HEATR1: variants seen among roughly 807,000 people sequenced by gnomAD.
HEATR1 encodes HEAT repeat containing 1.
Under a neutral mutation model 248.2 loss-of-function variants are expected in HEATR1, and 77 were observed. That is an observed-to-expected ratio of 0.31 (90% CI 0.26 to 0.37). The LOEUF (loss-of-function observed/expected upper bound fraction) is 0.37. HEATR1 is among the 10% of genes least tolerant of loss of function. HEATR1 has a pLI of 1.00. For synonymous variants in HEATR1, 897 were observed against 923.1 expected, an observed-to-expected ratio of 0.97 and a Z score of 0.51; for missense variants, 2,420 against 2,504.9, an observed-to-expected ratio of 0.97 and a Z score of 0.72.
intron 16 of HEATR1, 95 bp downstream of exon 16, chr1:236,585,725 A>AT (rs1052985898): frequency 1.7e-5 from 22 of 1,290,228 alleles, no homozygotes; most frequent in East Asian, 7.3e-5. Context: ...AATAAAAGAA[A>AT]TTTTTTTTAA....
At chr1:236,584,919 CCA>C (rs1429046970) in intron 17 of HEATR1, 104 bp downstream of exon 17, 1 of 917,676 alleles carries the variant, frequency 1.1e-6, no homozygotes, top group African/African-American at 1.7e-5. Context: ...CAGCTACTAT[CCA>C]CAGACTCAAC....
intron 6 of HEATR1, among the ~76,000 whole-genome samples, 197 bp from the exon 7 acceptor site, chr1:236,596,241 G>A (rs1220822172): frequency 2.6e-5 from 4 of 152,150 alleles, no homozygotes; most frequent in Admixed American, 6.6e-5. Flanking sequence ...TCTGTTGAAC[G>A]AGACAAAGGA....
At chr1:236,573,277 T>C (rs971881919) in intron 24 of HEATR1, among the ~76,000 whole-genome samples, 1 of 152,194 alleles carries the variant, frequency 6.6e-6, no homozygotes, top group Admixed American at 6.5e-5. Flanking sequence ...ATACCGATTG[T>C]TTCCAAGTGC....
intron 44 of HEATR1, chr1:236,551,192 G>T: frequency 1.9e-6 from 1 of 535,768 alleles, no homozygotes; most frequent in Non-Finnish European, 3.3e-6. Context: ...TTGCCCACAG[G>T]CTTGCACTGG....
intron 20 of HEATR1, among the ~76,000 whole-genome samples, chr1:236,578,607 C>A (rs1490152996): frequency 6.6e-6 from 1 of 152,126 alleles, no homozygotes; most frequent in Non-Finnish European, 1.5e-5. Flanking sequence ...CTTTACTGAA[C>A]CAATTTTATA....
chr1:236,584,745 C>G (rs2103144930), intron 17 of HEATR1, among the ~76,000 whole-genome samples: 1 of 152,274 alleles, frequency 6.6e-6, no homozygotes, highest in African/African-American at 2.4e-5. Context: ...TTAGGTGTAG[C>G]TTGGGTAATT....
Position 236,580,863 on chromosome 1 carries a change from AG to A in HEATR1, c.2755+358del, listed in dbSNP as rs2103141464. 3.6e-5 allele frequency among the ~76,000 whole-genome samples: 5 copies of A among 137,918 alleles called. 1 individual carries two copies. The South Asian group carries it at 1.1e-3, about 30-fold the overall frequency. The allele number at this position is 137,918 out of a possible 152,430, so 90.5% of individuals were successfully genotyped here. On this transcript the variant is annotated intron_variant, in intron 20 of 44. Coordinates refer to ENST00000366582, the MANE Select transcript of HEATR1 (RefSeq NM_018072.6). Reference sequence around the variant, plus strand: ...TGAGATGGAGTCTCGCTGTGTCACCAGGCTGGAGTGCAGTGGCACAATCTCG... The same window carrying A: ...TGAGATGGAGTCTCGCTGTGTCACCAGCTGGAGTGCAGTGGCACAATCTCG...
chr1:236,586,589 A>C, intron 14 of HEATR1, 137 bp from the exon 15 acceptor site: 1 of 581,844 alleles, frequency 1.7e-6, no homozygotes, highest in Non-Finnish European at 3.1e-6. Flanking sequence ...AGATACACTA[A>C]GACACCACTT....
chr1:236,564,516 G>C lies in HEATR1; in HGVS notation c.4581C>G (p.Ser1527=), dbSNP rs1342521118. The change falls in exon 32 of 45, where the codon TCC becomes TCG. Residue 1527 remains serine (S), a synonymous_variant. Transcript: ENST00000366582. ...SVSFMSQLLS[S]NNFLKKVVES... ...ACATTACCTTTTTCAGAAAATTATT[G>C]GAAGACAGGAGCTGAGACATGAAGG... 6.2e-7 allele frequency: 1 copy of C among 1,613,038 alleles called. No individual in the cohort carries two copies. Among genetic ancestry groups the C allele is most frequent in the Non-Finnish European group, 8.5e-7 (1 of 1,179,742 alleles).
chr1:236,595,222 A>C (rs1456318789), intron 8 of HEATR1, among the ~76,000 whole-genome samples: 2 of 150,968 alleles, frequency 1.3e-5, no homozygotes, highest in African/African-American at 4.9e-5. Flanking sequence ...TTAAATACCT[A>C]AATGAGAAGG....
Position 236,550,812 on chromosome 1 carries a change from C to A in HEATR1, c.*90G>T. The A allele has an allele frequency of 4.0e-6, 4 of 991,294 alleles. No individual in the cohort carries two copies. The highest frequency in any genetic ancestry group is 6.0e-6 in the Non-Finnish European group (4 of 662,206). The allele number at this position is 991,294 out of a possible 1,614,324, so 61.4% of individuals were successfully genotyped here. On this transcript the variant is annotated 3_prime_UTR_variant, in exon 45 of 45. Transcript: ENST00000366582. ...TAATCCAAGTAGGTGTATTAAGGCA[C>A]CAAAAGTAACATGGCACCCAACACC...
Position 236,581,420 on chromosome 1 carries a change from T to G in HEATR1, c.2563-6A>C. On this transcript the variant is annotated splice_polypyrimidine_tract_variant and splice_region_variant and intron_variant, in intron 19 of 44. Coordinates refer to ENST00000366582, the MANE Select transcript of HEATR1 (RefSeq NM_018072.6). ...AAAACATCTTCTAGATGCACCTAAT[T>G]AAAAAAAAAAAAAAGCAAACTTTTA... The G allele has an allele frequency of 8.3e-7, 1 of 1,211,906 alleles. No homozygotes were observed. The highest frequency in any genetic ancestry group is 2.9e-5 in the East Asian group (1 of 35,042). 75.1% of individuals were successfully genotyped at this position (1,211,906 alleles called of 1,614,324 possible).
Position 236,586,237 on chromosome 1 carries a change from T to C in HEATR1, c.1927+4A>G, listed in dbSNP as rs763839124. 6.3e-7 allele frequency: 1 copy of C among 1,589,566 alleles called. No individual in the cohort carries two copies. The highest frequency in any genetic ancestry group is 1.8e-5 in the Admixed American group (1 of 54,826). On this transcript the variant is annotated splice_donor_region_variant and intron_variant, in intron 15 of 44. Transcript: ENST00000366582. ...TTTTCTAAAAAAACAACTGAATTTT[T>C]TACCTTCTTCCCAGCCTCTTAATAG...
Position 236,549,045 on chromosome 1 carries a change from G to A in HEATR1, c.*1857C>T, listed in dbSNP as rs1199637341. On this transcript the variant is annotated 3_prime_UTR_variant, in exon 45 of 45. Transcript: ENST00000366582. Reference sequence around the variant, plus strand: ...ATTTATGGGCAACAAAGTAAGGTCAGGATTAGACTTCAGGCATTCATAAGG... The same window carrying A: ...ATTTATGGGCAACAAAGTAAGGTCAAGATTAGACTTCAGGCATTCATAAGG... The A allele has an allele frequency of 2.5e-6, 1 of 398,576 alleles. No individual in the cohort carries two copies. The highest frequency in any genetic ancestry group is 3.6e-5 in the East Asian group (1 of 28,086). 24.7% of individuals were successfully genotyped at this position (398,576 alleles called of 1,614,324 possible).
chr1:236,587,483 T>C lies in HEATR1; in HGVS notation c.1634A>G (p.Lys545Arg). ...LSAISAFEIFKEHFSSEVTIS... is the reference protein window; with the variant it reads ...LSAISAFEIFREHFSSEVTIS... ...CGTCACTTCTGAACTGAAGTGTTCT[T>C]TGAAAATCTAAAGGGAAAAAAATAT... Residue 545 changes from lysine (K) to arginine (R), a missense_variant, in exon 14 of 45, where the codon AAA becomes AGA. Lys to Arg is a conservative substitution (Grantham distance 26). Transcript: ENST00000366582. 2 of 1,500,612 alleles carry C rather than the reference T, an allele frequency of 1.3e-6. No individual in the cohort carries two copies. The highest frequency in any genetic ancestry group is 2.7e-5 in the South Asian group (2 of 73,190). 93.0% of individuals were successfully genotyped at this position (1,500,612 alleles called of 1,614,324 possible).
intron 10 of HEATR1, 60 bp from the exon 11 acceptor site, chr1:236,592,170 C>A: frequency 1.2e-6 from 1 of 834,756 alleles, no homozygotes; most frequent in Non-Finnish European, 1.9e-6. Flanking sequence ...TCTCATACAC[C>A]ATACACATAT....
intron 18 of HEATR1, 49 bp from the exon 19 acceptor site, chr1:236,582,921 C>A: frequency 6.2e-7 from 1 of 1,607,854 alleles, no homozygotes; most frequent in Non-Finnish European, 8.5e-7. Context: ...CATGAACATG[C>A]TGGGAGCTTT....
intron 33 of HEATR1, 90 bp downstream of exon 33, chr1:236,561,135 G>C (rs564907332): frequency 1.1e-6 from 1 of 923,822 alleles, no homozygotes; most frequent in African/African-American, 1.7e-5. Context: ...GTTGTAAAGA[G>C]TATATGAATT....
At chr1:236,589,105 A>G (rs752287968) in intron 12 of HEATR1, among the ~76,000 whole-genome samples, 2 of 152,230 alleles carry the variant, frequency 1.3e-5, no homozygotes, top group Non-Finnish European at 2.9e-5. Flanking sequence ...AGTTGAATGT[A>G]TGCAGGGCCG....
Sources: allele counts gnomAD v4.1 joint callset (sites outside exome capture counted in the v4.1 genomes callset), GRCh38; gene constraint gnomAD v4.1.1; transcripts MANE v1.5; gene names NCBI Gene and HGNC (gene_info 2026-07-23, HGNC 2026-07-21).